The following HTR2A variants were observed in gnomAD, a reference collection of about 807,000 sequenced individuals.
HTR2A encodes the protein 5-HT2 receptor.
A neutral mutation model predicts 31.0 loss-of-function variants in HTR2A; 14 were observed. That is an observed-to-expected ratio of 0.45 (90% CI 0.30 to 0.71). HTR2A has a LOEUF of 0.71. Ranked by LOEUF, HTR2A falls within the 30% of genes least tolerant of loss-of-function variation. The pLI is 0.09. For missense variants in HTR2A, 442 were observed against 573.3 expected (o/e 0.77, Z 2.34); for synonymous variants, 209 against 225.2 (o/e 0.93, Z 0.64).
In HTR2A at chr13:46,846,206, A is replaced by AT. The variant is rs1198482359; in HGVS notation, c.614-10568dup. Among the ~76,000 whole-genome samples, 5 of 152,118 alleles carry AT rather than the reference A, an allele frequency of 3.3e-5. No homozygotes were observed. In the East Asian group the frequency reaches 9.6e-4, roughly 29 times the overall value. ...GTTTTTTTTCTCCCATAAAATGGGG[A>AT]TTAACAGTGTACCCTTCAAGAGATG... On this transcript the variant is annotated intron_variant, in intron 3 of 3. Coordinates refer to ENST00000542664, the MANE Select transcript of HTR2A (RefSeq NM_000621.5).
intron 3 of HTR2A, among the ~76,000 whole-genome samples, chr13:46,842,240 A>AT (rs1950603976): frequency 6.6e-6 from 1 of 152,152 alleles, no homozygotes; most frequent in African/African-American, 2.4e-5. Context: ...TCTAGGCTGC[A>AT]TATTTAGCAA....
At chr13:46,840,895 T>TTTGG (rs1950592215) in intron 3 of HTR2A, among the ~76,000 whole-genome samples, 1 of 152,214 alleles carries the variant, frequency 6.6e-6, no homozygotes, top group Non-Finnish European at 1.5e-5. Context: ...GGTTTCATTC[T>TTTGG]GTGTCTCCAC....
At position 46,834,290 on chromosome 13, in the gene HTR2A, AG is replaced by A. The variant is rs1213940615; in HGVS notation, c.*546del. The A allele has an allele frequency of 1.3e-5, 2 of 152,706 alleles. No individual in the cohort carries two copies. The highest frequency in any genetic ancestry group is 2.9e-5 in the Non-Finnish European group (2 of 68,062). 9.5% of individuals were successfully genotyped at this position (152,706 alleles called of 1,614,324 possible). The stretch of plus-strand genomic sequence containing the variant: ...AAAGCAGGAATGAAAAATGTTGTCA[AG>A]TATTTCATTTAATTATCTTAGCAAT... On this transcript the variant is annotated 3_prime_UTR_variant, in exon 4 of 4. Coordinates refer to ENST00000542664, the MANE Select transcript of HTR2A (RefSeq NM_000621.5).
intron 3 of HTR2A, among the ~76,000 whole-genome samples, chr13:46,843,224 T>C (rs1315075151): frequency 6.6e-6 from 1 of 152,180 alleles, no homozygotes; most frequent in African/African-American, 2.4e-5. Context: ...TTATAATTGT[T>C]CTATTTTATT....
intron 3 of HTR2A, among the ~76,000 whole-genome samples, chr13:46,874,883 A>G (rs1950894989): frequency 6.6e-6 from 1 of 152,266 alleles, no homozygotes; most frequent in Non-Finnish European, 1.5e-5. Context: ...TAAGGTGGAA[A>G]TAGTAGACTT....
chr13:46,881,678 T>G (rs1374567229), intron 3 of HTR2A, among the ~76,000 whole-genome samples: 1 of 152,218 alleles, frequency 6.6e-6, no homozygotes, highest in Non-Finnish European at 1.5e-5. Context: ...CTGTCCTGGT[T>G]GCCTGAATAG....
intron 3 of HTR2A, among the ~76,000 whole-genome samples, chr13:46,838,840 T>G (rs1226631664): frequency 6.6e-6 from 1 of 152,202 alleles, no homozygotes; most frequent in Admixed American, 6.6e-5. Context: ...GTAACTACCT[T>G]GAGAGCCTTT....
intron 3 of HTR2A, among the ~76,000 whole-genome samples, chr13:46,840,582 G>A (rs539101906): frequency 6.6e-5 from 10 of 152,122 alleles, no homozygotes; most frequent in Non-Finnish European, 1.3e-4. Flanking sequence ...GGCCTACCAA[G>A]CTTAAGTAAT....
intron 3 of HTR2A, among the ~76,000 whole-genome samples, chr13:46,872,390 AG>A (rs1316782653): frequency 6.6e-6 from 1 of 152,248 alleles, no homozygotes; most frequent in Admixed American, 6.5e-5. Context: ...ATGTGCAAAA[AG>A]GATATATGAA....
intron 3 of HTR2A, among the ~76,000 whole-genome samples, chr13:46,870,611 G>A (rs1950856735): frequency 6.6e-6 from 1 of 152,122 alleles, no homozygotes; most frequent in Non-Finnish European, 1.5e-5. Flanking sequence ...GAAAACATTG[G>A]TTTAATACCT....
chr13:46,846,197 A>G (rs1252173445), intron 3 of HTR2A, among the ~76,000 whole-genome samples: 2 of 152,180 alleles, frequency 1.3e-5, no homozygotes, highest in African/African-American at 4.8e-5. Context: ...TTTCTCCCAT[A>G]AAATGGGGAT....
intron 3 of HTR2A, among the ~76,000 whole-genome samples, chr13:46,868,514 T>C (rs1950837295): frequency 6.6e-6 from 1 of 152,226 alleles, no homozygotes; most frequent in South Asian, 2.1e-4. Flanking sequence ...CAAAATATCA[T>C]TGCTAAATTT....
intron 3 of HTR2A, among the ~76,000 whole-genome samples, chr13:46,855,514 C>CT (rs1950728551): frequency 6.6e-6 from 1 of 151,614 alleles, no homozygotes; most frequent in Non-Finnish European, 1.5e-5. Flanking sequence ...GTGCTCTCAA[C>CT]TGGGGGGGTA....
Position 46,834,797 on chromosome 13 carries a change from G to A in HTR2A, c.*40C>T. 6.8e-7 allele frequency: 1 copy of A among 1,477,600 alleles called. No homozygotes were observed. The highest frequency in any genetic ancestry group is 9.2e-7 in the Non-Finnish European group (1 of 1,091,696). 91.5% of individuals were successfully genotyped at this position (1,477,600 alleles called of 1,614,324 possible). On this transcript the variant is annotated 3_prime_UTR_variant, in exon 4 of 4. Coordinates refer to ENST00000542664, the MANE Select transcript of HTR2A (RefSeq NM_000621.5). ...TTTTTTTCCAGATAGGTGAAAACTT[G>A]CTCAGTGTGCCTTCCACAGTTGCCA...
chr13:46,888,431 A>G (rs1028997292), intron 3 of HTR2A, among the ~76,000 whole-genome samples: 13 of 151,632 alleles, frequency 8.6e-5, no homozygotes, highest in East Asian at 1.9e-4. Context: ...AACAAAAAAT[A>G]TAAGCCTGGA....
At chr13:46,884,541 G>A (rs1407354224) in intron 3 of HTR2A, among the ~76,000 whole-genome samples, 2 of 152,146 alleles carry the variant, frequency 1.3e-5, no homozygotes, top group African/African-American at 4.8e-5. Context: ...GTGCATACCT[G>A]TAGTCCCAGA....
chr13:46,881,641 G>A (rs1022424998), intron 3 of HTR2A, among the ~76,000 whole-genome samples: 3 of 152,220 alleles, frequency 2.0e-5, no homozygotes, highest in African/African-American at 4.8e-5. Flanking sequence ...AGAAGTGGAA[G>A]TGAGGACAGG....
chr13:46,839,828 C>T (rs1409523666), intron 3 of HTR2A, among the ~76,000 whole-genome samples: 1 of 152,178 alleles, frequency 6.6e-6, no homozygotes, highest in Non-Finnish European at 1.5e-5. Flanking sequence ...TGCACATAAA[C>T]TTTGCACCTC....
At chr13:46,886,585 AAGAT>A (rs1951008176) in intron 3 of HTR2A, among the ~76,000 whole-genome samples, 2 of 152,210 alleles carry the variant, frequency 1.3e-5, no homozygotes, top group South Asian at 2.1e-4. Context: ...TCAAACAAAA[AAGAT>A]AGAGTAATAT....
Sources: allele counts gnomAD v4.1 joint callset (sites outside exome capture counted in the v4.1 genomes callset), GRCh38; gene constraint gnomAD v4.1.1; transcripts MANE v1.5; gene names NCBI Gene and HGNC (gene_info 2026-07-23, HGNC 2026-07-21).